The following POLA2 variants were observed in gnomAD, a reference collection of about 807,000 sequenced individuals.
The protein encoded by POLA2 is DNA polymerase alpha subunit B.
In POLA2, 47 loss-of-function variants were observed where a neutral mutation model predicts 82.8. That is an observed-to-expected ratio of 0.57 (90% CI 0.45 to 0.72). POLA2 has a LOEUF of 0.72. POLA2 is among the 30% of genes least tolerant of loss of function. The probability of loss-of-function intolerance (pLI) is 0.00; values close to 1 mark genes in which losing one functional copy is unlikely to be tolerated. For synonymous variants in POLA2, 287 were observed against 286.8 expected, an observed-to-expected ratio of 1.00 and a Z score of -0.01; for missense variants, 634 against 728.1, an observed-to-expected ratio of 0.87 and a Z score of 1.49.
intron 10 of POLA2, among the ~76,000 whole-genome samples, chr11:65,285,615 A>G (rs1008878512): frequency 6.6e-6 from 1 of 152,008 alleles, no homozygotes; most frequent in South Asian, 2.1e-4. Context: ...AGAAAATACA[A>G]ATTTATAGGG....
At chr11:65,278,667 TTTTATTCTTCTCTCCCTTTAGA>T (rs1181775736) in intron 5 of POLA2, 41 bp from the exon 6 acceptor site, 1 of 1,374,150 alleles carries the variant, frequency 7.3e-7, no homozygotes, top group Non-Finnish European at 1.0e-6. Flanking sequence ...GGTAACCTCA[TTTTATTCTTCTCTCCCTTTAGA>T]TATGAACACA....
At chr11:65,302,530 TACTC>T (rs1418325122), downstream of POLA2, among the ~76,000 whole-genome samples, 7 of 152,096 alleles carry the variant, frequency 4.6e-5, no homozygotes, top group Non-Finnish European at 8.8e-5. Context: ...GGAAAAGGCA[TACTC>T]ACTCCTGATT....
rs114534269 is a variant in POLA2, at chr11:65,261,970, C to T, written c.-323C>T. 333 of 414,764 alleles carry T rather than the reference C, an allele frequency of 8.0e-4. 1 individual carries two copies. Among genetic ancestry groups the T allele is most frequent in the African/African-American group, 6.6e-3 (320 of 48,130 alleles). 25.7% of individuals were successfully genotyped at this position (414,764 alleles called of 1,614,324 possible). ...GGTTTTTCCGGCCACTCAGTTCTGC[C>T]ACCGTCACTGAGAAGCTCAGCGGTA... is the stretch of plus-strand genomic sequence containing the variant. On this transcript the variant is annotated 5_prime_UTR_variant, in exon 1 of 18. Transcript: ENST00000265465.
At chr11:65,289,682 C>T (rs1226043069) in intron 12 of POLA2, 117 bp from the exon 13 acceptor site, 10 of 632,694 alleles carry the variant, frequency 1.6e-5, no homozygotes, top group African/African-American at 3.7e-5. Flanking sequence ...TTCATCTTTG[C>T]GTCTCCTTCA....
At chr11:65,281,938 C>A (rs1235961410) in intron 9 of POLA2, among the ~76,000 whole-genome samples, 1 of 152,192 alleles carries the variant, frequency 6.6e-6, no homozygotes, top group African/African-American at 2.4e-5. Context: ...GACTTTGTAG[C>A]TATATGGTCT....
chr11:65,263,750 A>C (rs2904986), intron 1 of POLA2, among the ~76,000 whole-genome samples: 33,811 of 151,410 alleles, frequency 0.22, 5,147 homozygotes, highest in African/African-American at 0.43. Context: ...TCGCTTGAAC[A>C]TGAGAGGCAG....
At chr11:65,268,358 T>A (rs1328672411) in intron 3 of POLA2, among the ~76,000 whole-genome samples, 1 of 141,710 alleles carries the variant, frequency 7.1e-6, no homozygotes, top group Non-Finnish European at 1.5e-5. Context: ...ATTATTATTA[T>A]TTTTTTTTTT....
intron 3 of POLA2, 54 bp from the exon 4 acceptor site, chr11:65,268,618 A>C (rs1949488497): frequency 1.8e-6 from 2 of 1,139,042 alleles, no homozygotes; most frequent in African/African-American, 3.1e-5. Flanking sequence ...CTGGGATTAC[A>C]GGCATGAGCT....
At chr11:65,272,390 G>A (rs1375610506) in intron 4 of POLA2, among the ~76,000 whole-genome samples, 2 of 152,130 alleles carry the variant, frequency 1.3e-5, no homozygotes, top group African/African-American at 2.4e-5. Context: ...TCAGGTCTTG[G>A]GAACAGGTGT....
At chr11:65,277,023 C>T (rs1300404023) in intron 5 of POLA2, among the ~76,000 whole-genome samples, 1 of 152,058 alleles carries the variant, frequency 6.6e-6, no homozygotes, top group Non-Finnish European at 1.5e-5. Context: ...CTCCTGACCT[C>T]AGGTGATCCA....
intron 5 of POLA2, among the ~76,000 whole-genome samples, chr11:65,277,586 A>G (rs1444213407): frequency 6.6e-6 from 1 of 152,164 alleles, no homozygotes; most frequent in African/African-American, 2.4e-5. Context: ...CATCTTTGCA[A>G]CCTGGTATGT....
At chr11:65,269,829 TTTG>T (rs528893207) in intron 4 of POLA2, among the ~76,000 whole-genome samples, 31 of 152,158 alleles carry the variant, frequency 2.0e-4, no homozygotes, top group African/African-American at 3.1e-4. Flanking sequence ...ATTATTCTTT[TTTG>T]TTGTTGTTGT....
chr11:65,276,761 C>A (rs1418843681), intron 5 of POLA2, among the ~76,000 whole-genome samples: 1 of 151,808 alleles, frequency 6.6e-6, no homozygotes, highest in Admixed American at 6.6e-5. Flanking sequence ...TCTAGATGAA[C>A]CAGAGCTTAA....
At chr11:65,268,826 A>C in intron 4 of POLA2, 97 bp downstream of exon 4, 4 of 712,794 alleles carry the variant, frequency 5.6e-6, no homozygotes, top group Non-Finnish European at 9.3e-6. Flanking sequence ...AACCACTCTC[A>C]TGCATTTCCT....
At chr11:65,299,070 G>A (rs1475280822), downstream of POLA2, among the ~76,000 whole-genome samples, 1 of 152,200 alleles carries the variant, frequency 6.6e-6, no homozygotes, top group Admixed American at 6.5e-5. Flanking sequence ...GTGACTGCTG[G>A]CTGACCGTCC....
chr11:65,278,854 T>C lies in POLA2; in HGVS notation c.586T>C (p.Leu196=). The part of the protein sequence containing the change: ...GGAGNISLKV[L]GCPEALTGSY... ...AGCTGGAAACATCAGCCTGAAGGTCTTGGGATGTCCAGAGGCACTAACTGG... is the reference window on the plus strand; with the variant it reads ...AGCTGGAAACATCAGCCTGAAGGTCCTGGGATGTCCAGAGGCACTAACTGG... Residue 196 remains leucine (L), a synonymous_variant, in exon 6 of 18, where the codon TTG becomes CTG. Transcript: ENST00000265465. 6.2e-7 allele frequency: 1 copy of C among 1,613,902 alleles called. No individual in the cohort carries two copies. The highest frequency in any genetic ancestry group is 8.5e-7 in the Non-Finnish European group (1 of 1,180,012).
At chr11:65,294,712 T>C in intron 15 of POLA2, 60 bp downstream of exon 15, 2 of 1,191,788 alleles carry the variant, frequency 1.7e-6, no homozygotes, top group Non-Finnish European at 2.5e-6. Flanking sequence ...CAGCCCTTTC[T>C]GCAGCCAAGA....
intron 4 of POLA2, among the ~76,000 whole-genome samples, chr11:65,275,119 C>T (rs1353542590): frequency 6.6e-6 from 1 of 151,884 alleles, no homozygotes; most frequent in Non-Finnish European, 1.5e-5. Flanking sequence ...TGAATCTGTT[C>T]TCTGGCATTC....
downstream of POLA2, among the ~76,000 whole-genome samples, chr11:65,299,041 C>T (rs1433853917): frequency 6.6e-6 from 1 of 152,360 alleles, no homozygotes; most frequent in South Asian, 2.1e-4. Flanking sequence ...CCTTTTTGCT[C>T]TTGTCAGGAA....
Sources: gnomAD v4.1 joint callset for allele counts (sites outside exome capture counted in the v4.1 genomes callset) on GRCh38, gnomAD v4.1.1 for gene constraint, MANE v1.5 for transcripts, NCBI Gene and HGNC (gene_info 2026-07-23, HGNC 2026-07-21) for gene names.